The following ECSIT variants were observed in gnomAD, a reference collection of about 807,000 sequenced individuals.
ECSIT encodes evolutionarily conserved signaling intermediate in Toll pathway, mitochondrial.
ECSIT carries 29 observed loss-of-function variants against 36.8 expected under a neutral mutation model. The observed-to-expected ratio is 0.79, with a 90% CI of 0.59 to 1.08. The LOEUF (loss-of-function observed/expected upper bound fraction) is 1.08, where lower values mean the gene tolerates loss of function less well. ECSIT is among the 50% of genes least tolerant of loss of function. The pLI is 0.00. For missense variants in ECSIT, 542 were observed against 581.0 expected (o/e 0.93, Z 0.69); for synonymous variants, 231 against 234.8 (o/e 0.98, Z 0.15).
rs189585775 is a variant in ECSIT, at chr19:11,505,935, C to A, written c.*249G>T. The A allele has an allele frequency of 3.9e-4, 346 of 891,916 alleles. 2 individuals carry two copies. In the African/African-American group the frequency reaches 4.5e-3, roughly 12 times the overall value. The allele number at this position is 891,916 out of a possible 1,614,324, so 55.3% of individuals were successfully genotyped here. On this transcript the variant is annotated 3_prime_UTR_variant, in exon 8 of 8. Coordinates refer to ENST00000270517, the MANE Select transcript of ECSIT (RefSeq NM_016581.5). ...CAAGAATGGAAACTGCGCATGCGCA[C>A]AACCAACAGCGCTCCCGCCCCTTTT...
Position 11,519,058 on chromosome 19 carries a change from G to C in ECSIT, c.96+17C>G, listed in dbSNP as rs756964792. On this transcript the variant is annotated intron_variant, in intron 2 of 7. Coordinates refer to ENST00000270517, the MANE Select transcript of ECSIT (RefSeq NM_016581.5). The surrounding 1 kb of genome is among the most constrained non-coding windows in gnomAD (Gnocchi z 4.4). The stretch of plus-strand genomic sequence containing the variant: ...CTTACCTCCCTCTACCCAAAAGACT[G>C]CCTGGCTGGTGCTTACCTGAGAGAT... The C allele has an allele frequency of 2.1e-5, 32 of 1,548,290 alleles. No homozygotes were observed. The highest frequency in any genetic ancestry group is 2.6e-5 in the Non-Finnish European group (30 of 1,143,958).
At position 11,514,117 on chromosome 19, in the gene ECSIT, C is replaced by T; in HGVS notation, c.201G>A (p.Lys67=). Residue 67 remains lysine (K), a synonymous_variant, in exon 3 of 8, where the codon AAG becomes AAA. Transcript: ENST00000270517. ...ACAGGTCCTCAAAGGGCACCAGAGC[C>T]TTGGTGGGCCTCTGCCGGGGTTCCG... The part of the protein sequence containing the change: ...SPPEPRQRPT[K]ALVPFEDLFG... 1 of 1,614,086 alleles carries T rather than the reference C, an allele frequency of 6.2e-7. No homozygotes were observed. The highest frequency in any genetic ancestry group is 8.5e-7 in the Non-Finnish European group (1 of 1,179,948).
At chr19:11,513,516 T>C (rs1293563653) in intron 3 of ECSIT, among the ~76,000 whole-genome samples, 4 of 142,160 alleles carry the variant, frequency 2.8e-5, no homozygotes, top group South Asian at 4.5e-4. Flanking sequence ...GAGACCCCAT[T>C]TCTAAAAGAA....
chr19:11,506,048 G>T lies in ECSIT; in HGVS notation c.*136C>A. The T allele has an allele frequency of 1.4e-6, 2 of 1,401,340 alleles. No individual in the cohort carries two copies. Among genetic ancestry groups the T allele is most frequent in the South Asian group, 1.4e-5 (1 of 73,432 alleles). The allele number at this position is 1,401,340 out of a possible 1,614,324, so 86.8% of individuals were successfully genotyped here. ...TGGCAGCCCGAGATCCTGGGGAGGG[G>T]ATGCCATACTGCTAGAGATGAGGGA... On this transcript the variant is annotated 3_prime_UTR_variant, in exon 8 of 8. Coordinates refer to ENST00000270517, the MANE Select transcript of ECSIT (RefSeq NM_016581.5).
intron 1 of ECSIT, among the ~76,000 whole-genome samples, chr19:11,520,477 A>T (rs1182881715): frequency 6.9e-6 from 1 of 144,796 alleles, no homozygotes; most frequent in African/African-American, 2.6e-5. Context: ...TGGCCCACTG[A>T]CGTGTTTTCA....
chr19:11,508,045 G>A lies in ECSIT; in HGVS notation c.742C>T (p.Pro248Ser), dbSNP rs1971793866. The A allele has an allele frequency of 6.2e-7, 1 of 1,614,018 alleles. No individual in the cohort carries two copies. Among genetic ancestry groups the A allele is most frequent in the Non-Finnish European group, 8.5e-7 (1 of 1,180,044 alleles). ...LSARVTIYQV[P>S]LPKDSTGAAD... ...GCACCTGTTGAGTCTTTGGGCAAAGGAACCTGCAAGGGAGAGTAGGGATAT... is the reference window on the plus strand; with the variant it reads ...GCACCTGTTGAGTCTTTGGGCAAAGAAACCTGCAAGGGAGAGTAGGGATAT... The change falls in exon 5 of 8, where the codon CCT becomes TCT. Residue 248 changes from proline to serine, a missense_variant. Physicochemically the swap from Pro to Ser is moderately conservative, Grantham distance 74. Coordinates refer to ENST00000270517, the MANE Select transcript of ECSIT (RefSeq NM_016581.5).
intron 1 of ECSIT, chr19:11,523,693 G>A: frequency 2.8e-6 from 2 of 714,156 alleles, no homozygotes; most frequent in Non-Finnish European, 5.1e-6. Context: ...GAAACTAGGG[G>A]AATGGGTAGC....
At chr19:11,523,550 G>C in intron 1 of ECSIT, 2 of 1,073,322 alleles carry the variant, frequency 1.9e-6, no homozygotes, top group East Asian at 4.8e-5. Context: ...CTGTGAAGCT[G>C]CCAAAGCCTT....
At position 11,506,223 on chromosome 19, in the gene ECSIT, T is replaced by C; in HGVS notation, c.1257A>G (p.Glu419=). Residue 419 remains glutamate (E), a synonymous_variant, in exon 8 of 8, where the codon GAA becomes GAG. Coordinates refer to ENST00000270517, the MANE Select transcript of ECSIT (RefSeq NM_016581.5). The part of the protein sequence containing the change: ...EPPLPEDHQE[E]DDNLQRQQQG... ...GCTGCTGTCGCTGCAGGTTGTCGTC[T>C]TCTTCCTGGTGGTCCTCGGGCAGGG... 1 of 1,608,482 alleles carries C rather than the reference T, an allele frequency of 6.2e-7. No individual in the cohort carries two copies. The highest frequency in any genetic ancestry group is 8.5e-7 in the Non-Finnish European group (1 of 1,179,910).
rs773305938 is a variant in ECSIT, at chr19:11,507,442, T to C, written c.1051+15A>G. 1 of 1,609,510 alleles carries C rather than the reference T, an allele frequency of 6.2e-7. No homozygotes were observed. The highest frequency in any genetic ancestry group is 8.5e-7 in the Non-Finnish European group (1 of 1,176,134). On this transcript the variant is annotated intron_variant, in intron 7 of 7. Coordinates refer to ENST00000270517, the MANE Select transcript of ECSIT (RefSeq NM_016581.5). Reference sequence around the variant, plus strand: ...GAGCACACATGTGAGCCACCGCACCTGGCCCAGTTTTTACCTTCATTGATG... The same window carrying C: ...GAGCACACATGTGAGCCACCGCACCCGGCCCAGTTTTTACCTTCATTGATG...
At chr19:11,524,291 A>C (rs928277493) in intron 1 of ECSIT, among the ~76,000 whole-genome samples, 1 of 151,918 alleles carries the variant, frequency 6.6e-6, no homozygotes, top group African/African-American at 2.4e-5. Flanking sequence ...TGGGAGGCCG[A>C]GGTGGGCAGA....
chr19:11,508,031 G>C lies in ECSIT; in HGVS notation c.756C>G (p.Asp252Glu), dbSNP rs947909454. 3 of 1,614,054 alleles carry C rather than the reference G, an allele frequency of 1.9e-6. No homozygotes were observed. Among genetic ancestry groups the C allele is most frequent in the Middle Eastern group, 1.6e-4 (1 of 6,084 alleles). Residue 252 changes from aspartate to glutamate, a missense_variant, in exon 5 of 8, where the codon GAC (aspartate) becomes GAG (glutamate). By Grantham distance (45) the Asp-to-Glu change is conservative. Transcript: ENST00000270517. ...VTIYQVPLPK[D>E]STGAADPPQP... ...GGGGGGGATCTGCTGCACCTGTTGA[G>C]TCTTTGGGCAAAGGAACCTGCAAGG...
At chr19:11,507,322 G>A in intron 7 of ECSIT, 135 bp downstream of exon 7, 2 of 728,206 alleles carry the variant, frequency 2.7e-6, no homozygotes, top group African/African-American at 1.8e-5. Context: ...TATCATGTAG[G>A]CTGGAGTGCA....
Position 11,506,045 on chromosome 19 carries a change from G to C in ECSIT, c.*139C>G. ...CGCTGGCAGCCCGAGATCCTGGGGA[G>C]GGGATGCCATACTGCTAGAGATGAG... is the stretch of plus-strand genomic sequence containing the variant. On this transcript the variant is annotated 3_prime_UTR_variant, in exon 8 of 8. Transcript: ENST00000270517. The C allele has an allele frequency of 1.4e-6, 2 of 1,384,992 alleles. No individual in the cohort carries two copies. The highest frequency in any genetic ancestry group is 1.9e-6 in the Non-Finnish European group (2 of 1,026,730). 85.8% of individuals were successfully genotyped at this position (1,384,992 alleles called of 1,614,324 possible).
chr19:11,513,776 C>T (rs1290109086), intron 3 of ECSIT, 28 bp downstream of exon 3: 13 of 1,612,850 alleles, frequency 8.1e-6, no homozygotes, highest in Admixed American at 5.0e-5. Context: ...AGCCCACTCC[C>T]CACCCTGCGC....
In ECSIT at chr19:11,505,967, A is replaced by G. The variant is rs545033469; in HGVS notation, c.*217T>C. On this transcript the variant is annotated 3_prime_UTR_variant, in exon 8 of 8. Transcript: ENST00000270517. The stretch of plus-strand genomic sequence containing the variant: ...CAGCGCTCCCGCCCCTTTTTATTTG[A>G]ATTCGGAGAACCAGAGGCGCCTGCA... 4 of 949,546 alleles carry G rather than the reference A, an allele frequency of 4.2e-6. No homozygotes were observed. The highest frequency in any genetic ancestry group is 3.0e-5 in the Admixed American group (1 of 33,142). The allele number at this position is 949,546 out of a possible 1,614,324, so 58.8% of individuals were successfully genotyped here. A position where few individuals can be genotyped will look rare whatever the true frequency, so the allele number is the denominator to read the frequency against.
At chr19:11,510,369 G>C (rs1396903607) in intron 4 of ECSIT, among the ~76,000 whole-genome samples, 1 of 151,272 alleles carries the variant, frequency 6.6e-6, no homozygotes, top group Non-Finnish European at 1.5e-5. Flanking sequence ...GTAGAGATGG[G>C]GTCTTGCCAT....
Position 11,506,128 on chromosome 19 carries a change from T to C in ECSIT, c.*56A>G. ...TGCTGTACACTCAAAGGGCATCTCA[T>C]GCCTTCAGTCCACCGCCTCCTCGGG... On this transcript the variant is annotated 3_prime_UTR_variant, in exon 8 of 8. Transcript: ENST00000270517. 6.3e-7 allele frequency: 1 copy of C among 1,589,696 alleles called. No homozygotes were observed. The highest frequency in any genetic ancestry group is 8.5e-7 in the Non-Finnish European group (1 of 1,173,950).
Position 11,508,036 on chromosome 19 carries a change from T to C in ECSIT, c.751A>G (p.Lys251Glu), listed in dbSNP as rs1971793633. The C allele has an allele frequency of 1.2e-6, 2 of 1,614,140 alleles. No homozygotes were observed. The highest frequency in any genetic ancestry group is 1.7e-6 in the Non-Finnish European group (2 of 1,180,034). The stretch of plus-strand genomic sequence containing the variant: ...GGATCTGCTGCACCTGTTGAGTCTT[T>C]GGGCAAAGGAACCTGCAAGGGAGAG... ...RVTIYQVPLPKDSTGAADPPQ... is the reference protein window; with the variant it reads ...RVTIYQVPLPEDSTGAADPPQ... The change falls in exon 5 of 8, where the codon AAA becomes GAA. Residue 251 changes from lysine (K) to glutamate (E), a missense_variant. Coordinates refer to ENST00000270517, the MANE Select transcript of ECSIT (RefSeq NM_016581.5).
Sources: gnomAD v4.1 joint callset for allele counts (sites outside exome capture counted in the v4.1 genomes callset) on GRCh38, gnomAD v4.1.1 for gene constraint, Gnocchi (gnomAD v3.1) non-coding constraint, MANE v1.5 for transcripts, NCBI Gene and HGNC (gene_info 2026-07-23, HGNC 2026-07-21) for gene names.